Variants in FHOD3 observed in about 807,000 individuals in gnomAD.
FHOD3 encodes the protein FH1/FH2 domain-containing protein 3.
Under a neutral mutation model 173.0 loss-of-function variants are expected in FHOD3, and 90 were observed. That is an observed-to-expected ratio of 0.52 (90% CI 0.44 to 0.62). The LOEUF (loss-of-function observed/expected upper bound fraction) is 0.62. FHOD3 is among the 20% of genes least tolerant of loss of function. The pLI is 0.00. For synonymous variants in FHOD3, 828 were observed against 823.0 expected, an observed-to-expected ratio of 1.01 and a Z score of -0.10; for missense variants, 1,945 against 2,034.7, an observed-to-expected ratio of 0.96 and a Z score of 0.85.
chr18:36,658,035 C>G (rs2036536200), intron 13 of FHOD3, 40 bp from the exon 14 acceptor site: 2 of 1,435,348 alleles, frequency 1.4e-6, no homozygotes, highest in Admixed American at 3.5e-5. Context: ...ACTTATTTCT[C>G]TATCCTTTTC....
chr18:36,589,923 T>C (rs1358155126), intron 6 of FHOD3, among the ~76,000 whole-genome samples: 1 of 152,204 alleles, frequency 6.6e-6, no homozygotes, highest in Non-Finnish European at 1.5e-5. Context: ...TAAGTTGTAG[T>C]GAAACCCTTC....
intron 21 of FHOD3, among the ~76,000 whole-genome samples, chr18:36,742,440 C>T (rs548907881): frequency 3.3e-5 from 5 of 152,122 alleles, no homozygotes; most frequent in African/African-American, 9.6e-5. Flanking sequence ...GAAGAGTGTC[C>T]GAGGAGTCAG....
chr18:36,433,057 T>C (rs1013798781), intron 3 of FHOD3, among the ~76,000 whole-genome samples: 12 of 152,188 alleles, frequency 7.9e-5, no homozygotes, highest in African/African-American at 2.7e-4. Flanking sequence ...TCAGAGTCTC[T>C]CTTAATGGGC....
At chr18:36,514,367 C>T (rs995350429) in intron 5 of FHOD3, among the ~76,000 whole-genome samples, 2 of 152,088 alleles carry the variant, frequency 1.3e-5, no homozygotes, top group Non-Finnish European at 2.9e-5. Flanking sequence ...TGCATCTAAT[C>T]GCAGCCGTCT....
intron 10 of FHOD3, among the ~76,000 whole-genome samples, chr18:36,646,644 A>G (rs1443867738): frequency 6.6e-6 from 1 of 152,254 alleles, no homozygotes; most frequent in African/African-American, 2.4e-5. Context: ...ATGTAGGGAA[A>G]AAAATGTATC....
chr18:36,477,568 T>C (rs1340477439), intron 3 of FHOD3, among the ~76,000 whole-genome samples: 1 of 126,718 alleles, frequency 7.9e-6, no homozygotes, highest in African/African-American at 3.2e-5. Context: ...CCTACCTACC[T>C]ACCTACCTAC....
chr18:36,755,518 T>C (rs1002735523), intron 25 of FHOD3, among the ~76,000 whole-genome samples: 1 of 150,644 alleles, frequency 6.6e-6, no homozygotes. Flanking sequence ...AGCTAGGAGA[T>C]GTAAAGTTCA....
At chr18:36,659,416 A>G (rs2036630650) in intron 14 of FHOD3, among the ~76,000 whole-genome samples, 1 of 152,148 alleles carries the variant, frequency 6.6e-6, no homozygotes, top group South Asian at 2.1e-4. Context: ...ACCCTAGGGC[A>G]CCTCCTGTTG....
At chr18:36,333,074 C>T (rs539740100) in intron 1 of FHOD3, among the ~76,000 whole-genome samples, 330 of 152,340 alleles carry the variant, frequency 2.2e-3, no homozygotes, top group African/African-American at 7.5e-3. Flanking sequence ...CCACACTGCC[C>T]TTAGCCAATG....
At chr18:36,371,277 C>T (rs181781442) in intron 2 of FHOD3, among the ~76,000 whole-genome samples, 3 of 152,292 alleles carry the variant, frequency 2.0e-5, no homozygotes, top group East Asian at 3.9e-4. Flanking sequence ...AGTCTGTTCT[C>T]ATGCTGCTAA....
At chr18:36,669,532 T>G (rs368558237) in intron 14 of FHOD3, among the ~76,000 whole-genome samples, 1 of 151,962 alleles carries the variant, frequency 6.6e-6, no homozygotes, top group African/African-American at 2.4e-5. Context: ...TTTCTCTCTT[T>G]TGTTGCCTTA....
At chr18:36,351,364 G>C (rs777290016) in intron 1 of FHOD3, among the ~76,000 whole-genome samples, 4 of 152,162 alleles carry the variant, frequency 2.6e-5, no homozygotes, top group African/African-American at 7.2e-5. Flanking sequence ...CTGGAGGGGG[G>C]ACTCGGGCAG....
chr18:36,369,799 C>T (rs1598866963), intron 2 of FHOD3, among the ~76,000 whole-genome samples: 1 of 151,900 alleles, frequency 6.6e-6, no homozygotes, highest in African/African-American at 2.4e-5. Context: ...GAGGTTACAC[C>T]AGTTCCCTAA....
intron 15 of FHOD3, 108 bp from the exon 16 acceptor site, chr18:36,687,020 C>G: frequency 1.4e-6 from 1 of 715,374 alleles, no homozygotes; most frequent in Non-Finnish European, 2.3e-6. Context: ...ATTTCTGAGG[C>G]AGTGCCAGTC....
chr18:36,355,848 C>T (rs1417786528), intron 2 of FHOD3, among the ~76,000 whole-genome samples: 2 of 152,126 alleles, frequency 1.3e-5, no homozygotes, highest in Non-Finnish European at 2.9e-5. Context: ...GATGGGTGCT[C>T]GGGAGTAGCC....
intron 1 of FHOD3, among the ~76,000 whole-genome samples, chr18:36,346,951 A>T (rs2045904099): frequency 6.6e-6 from 1 of 152,158 alleles, no homozygotes; most frequent in Non-Finnish European, 1.5e-5. Flanking sequence ...CCTAAAGAAA[A>T]CAACAGAAAC....
chr18:36,704,718 G>A (rs1054656845), intron 17 of FHOD3, among the ~76,000 whole-genome samples: 1 of 152,114 alleles, frequency 6.6e-6, no homozygotes, highest in Non-Finnish European at 1.5e-5. Flanking sequence ...GGTAATACCA[G>A]AGCCCTCCCC....
At chr18:36,429,091 CG>C (rs1199280332) in intron 3 of FHOD3, among the ~76,000 whole-genome samples, 1 of 152,138 alleles carries the variant, frequency 6.6e-6, no homozygotes, top group Non-Finnish European at 1.5e-5. Flanking sequence ...AGCTTGTGAA[CG>C]GTCTTGAGGT....
chr18:36,442,410 C>CT (rs1199207282), intron 3 of FHOD3, among the ~76,000 whole-genome samples: 73 of 152,112 alleles, frequency 4.8e-4, no homozygotes, highest in South Asian at 6.2e-4. Flanking sequence ...TTCTCTGAGA[C>CT]TTAAAAAAAT....
Sources: gnomAD v4.1 joint callset for allele counts (sites outside exome capture counted in the v4.1 genomes callset) on GRCh38, gnomAD v4.1.1 for gene constraint, MANE v1.5 for transcripts, NCBI Gene and HGNC (gene_info 2026-07-23, HGNC 2026-07-21) for gene names.